EFCAB6: variants seen among roughly 807,000 people sequenced by gnomAD.
EFCAB6 encodes the protein EF-hand calcium-binding domain-containing protein 6.
Under a neutral mutation model 169.8 loss-of-function variants are expected in EFCAB6, and 156 were observed. The ratio of observed to expected loss-of-function variants is 0.92; its 90% CI spans 0.81 to 1.05. The LOEUF (loss-of-function observed/expected upper bound fraction) is 1.05. EFCAB6 is among the 50% of genes least tolerant of loss of function. EFCAB6 has a pLI of 0.00. For synonymous variants in EFCAB6, 698 were observed against 676.4 expected (o/e 1.03, Z -0.50); for missense variants, 1,800 against 1,829.1 (o/e 0.98, Z 0.29).
intron 5 of EFCAB6, among the ~76,000 whole-genome samples, chr22:43,762,079 C>G (rs1263290344): frequency 6.6e-6 from 1 of 152,222 alleles, no homozygotes; most frequent in African/African-American, 2.4e-5. Flanking sequence ...TCCAGGATTA[C>G]TCAAAAAAGT....
At chr22:43,618,986 G>A (rs539296810) in intron 20 of EFCAB6, among the ~76,000 whole-genome samples, 4 of 151,846 alleles carry the variant, frequency 2.6e-5, no homozygotes, top group Non-Finnish European at 5.9e-5. Flanking sequence ...GCACAGATAG[G>A]CTAAAACCTA....
chr22:43,634,037 A>T (rs558859169), intron 18 of EFCAB6, among the ~76,000 whole-genome samples: 44 of 152,248 alleles, frequency 2.9e-4, no homozygotes, highest in Non-Finnish European at 5.0e-4. Context: ...GGGGAGGAGA[A>T]CACAGGCAGC....
At chr22:43,563,032 G>A (rs367681280) in intron 26 of EFCAB6, among the ~76,000 whole-genome samples, 10 of 152,322 alleles carry the variant, frequency 6.6e-5, no homozygotes, top group East Asian at 1.9e-4. Flanking sequence ...TCCCAGCCCA[G>A]GTCCTGGCCT....
chr22:43,688,590 G>A (rs1016341450), intron 10 of EFCAB6, among the ~76,000 whole-genome samples: 1 of 152,142 alleles, frequency 6.6e-6, no homozygotes. Flanking sequence ...CCTCAGACTC[G>A]CTGCTCACTA....
intron 5 of EFCAB6, among the ~76,000 whole-genome samples, chr22:43,763,064 A>T (rs911410821): frequency 6.6e-6 from 1 of 152,022 alleles, no homozygotes; most frequent in South Asian, 2.1e-4. Flanking sequence ...TTTAAGACCA[A>T]GTCTCACTCT....
intron 2 of EFCAB6, among the ~76,000 whole-genome samples, chr22:43,796,255 T>C (rs549166424): frequency 1.3e-5 from 2 of 152,094 alleles, no homozygotes; most frequent in South Asian, 2.1e-4. Context: ...ATGTCTGTCT[T>C]CCCTGTCAGA....
chr22:43,577,014 AC>A (rs2050301494), intron 25 of EFCAB6, among the ~76,000 whole-genome samples: 1 of 152,080 alleles, frequency 6.6e-6, no homozygotes, highest in African/African-American at 2.4e-5. Context: ...CCCTGACCCC[AC>A]CCCTGTCCTT....
intron 17 of EFCAB6, among the ~76,000 whole-genome samples, chr22:43,664,209 G>C (rs1246109744): frequency 6.6e-6 from 1 of 152,176 alleles, no homozygotes; most frequent in Non-Finnish European, 1.5e-5. Flanking sequence ...GCCCAGACAG[G>C]TGTAGGAACC....
rs138520000 is a variant in EFCAB6 at position 43,606,940 on chromosome 22, A to G, written c.2681+1542T>C. Reference sequence around the variant, plus strand: ...CATGACTCCAATACCTCTCATTCCCATGGCCAGCCCCCACTCAGGGGTTCG... The same window carrying G: ...CATGACTCCAATACCTCTCATTCCCGTGGCCAGCCCCCACTCAGGGGTTCG... On this transcript the variant is annotated intron_variant, in intron 22 of 31. Transcript: ENST00000262726. Among the ~76,000 whole-genome samples the G allele has an allele frequency of 3.9e-3, 588 of 152,066 alleles. 3 individuals carry two copies. Among genetic ancestry groups the G allele is most frequent in the Middle Eastern group, 0.014 (4 of 294 alleles).
intron 10 of EFCAB6, among the ~76,000 whole-genome samples, chr22:43,708,636 AAG>A (rs936442262): frequency 4.6e-5 from 7 of 152,220 alleles, no homozygotes; most frequent in African/African-American, 1.7e-4. Context: ...ATCACAATAA[AAG>A]AGTAAAAAGT....
At chr22:43,599,693 G>A (rs2052347216) in intron 23 of EFCAB6, among the ~76,000 whole-genome samples, 1 of 152,100 alleles carries the variant, frequency 6.6e-6, no homozygotes, top group South Asian at 2.1e-4. Flanking sequence ...ATATTACTGG[G>A]TGTGGGTGTC....
chr22:43,757,559 G>T (rs1418897757), intron 5 of EFCAB6, among the ~76,000 whole-genome samples: 1 of 152,058 alleles, frequency 6.6e-6, no homozygotes, highest in Non-Finnish European at 1.5e-5. Context: ...AACAAAAAAA[G>T]GAATTAAATA....
intron 5 of EFCAB6, among the ~76,000 whole-genome samples, chr22:43,756,671 A>C (rs964604392): frequency 2.6e-5 from 4 of 152,186 alleles, no homozygotes; most frequent in African/African-American, 9.7e-5. Flanking sequence ...GGAAATAAGC[A>C]AACAAGTAAT....
At chr22:43,545,814 GC>G (rs2048025464) in intron 27 of EFCAB6, among the ~76,000 whole-genome samples, 2 of 152,216 alleles carry the variant, frequency 1.3e-5, no homozygotes, top group Admixed American at 1.3e-4. Context: ...CGGGCTGGCA[GC>G]ATCTTTGGCA....
In EFCAB6 at chr22:43,599,108, C is replaced by T. The variant is rs150718505; in HGVS notation, c.2876+961G>A. ...TGCCCAAAACGTAATGGCCTGTTAG[C>T]CCTTTACACAAACATTTCCGTGTCC... is the stretch of plus-strand genomic sequence containing the variant. On this transcript the variant is annotated intron_variant, in intron 23 of 31. Transcript: ENST00000262726. Among the ~76,000 whole-genome samples, 16 of 152,280 alleles carry T rather than the reference C, an allele frequency of 1.1e-4. No homozygotes were observed. In the East Asian group the frequency reaches 3.1e-3, roughly 29 times the overall value.
At chr22:43,626,725 G>C in intron 19 of EFCAB6, 46 bp from the exon 20 acceptor site, 1 of 1,597,428 alleles carries the variant, frequency 6.3e-7, no homozygotes, top group South Asian at 1.1e-5. Flanking sequence ...AAGAGCCCCG[G>C]ACGGCCACAC....
At chr22:43,590,742 CAAAAAAA>C (rs553431883) in intron 23 of EFCAB6, among the ~76,000 whole-genome samples, 1 of 80,128 alleles carries the variant, frequency 1.2e-5, no homozygotes, top group Middle Eastern at 9.1e-3. Context: ...GTTTGAAGGC[CAAAAAAA>C]AAAAAAAAAA....
chr22:43,538,533 C>T (rs2047517537), intron 28 of EFCAB6, among the ~76,000 whole-genome samples: 1 of 152,092 alleles, frequency 6.6e-6, no homozygotes, highest in Non-Finnish European at 1.5e-5. Flanking sequence ...GGACTACAGG[C>T]GCCCACCACC....
At chr22:43,569,885 T>G (rs544067336) in intron 26 of EFCAB6, among the ~76,000 whole-genome samples, 2 of 152,370 alleles carry the variant, frequency 1.3e-5, no homozygotes, top group African/African-American at 2.4e-5. Context: ...GCTAATATCT[T>G]AATAATTTAC....
Sources: gnomAD v4.1 joint callset for allele counts (sites outside exome capture counted in the v4.1 genomes callset) on GRCh38, gnomAD v4.1.1 for gene constraint, MANE v1.5 for transcripts, NCBI Gene and HGNC (gene_info 2026-07-23, HGNC 2026-07-21) for gene names.